The following SLC37A3 variants were observed in gnomAD, a reference collection of about 807,000 sequenced individuals.
The protein encoded by SLC37A3 is solute carrier family 37 member 3, also known as sugar phosphate exchanger 3.
In SLC37A3, 51 loss-of-function variants were observed where a neutral mutation model predicts 67.1. The ratio of observed to expected loss-of-function variants is 0.76; its 90% CI spans 0.61 to 0.96. SLC37A3 has a LOEUF of 0.96. SLC37A3 is among the 40% of genes least tolerant of loss of function. The pLI, the probability that SLC37A3 is intolerant of heterozygous loss-of-function variation, is 0.00. For missense variants in SLC37A3, 508 were observed against 603.0 expected, an observed-to-expected ratio of 0.84 and a Z score of 1.65; for synonymous variants, 214 against 231.4, an observed-to-expected ratio of 0.92 and a Z score of 0.68.
chr7:140,394,609 G>A lies in SLC37A3; in HGVS notation c.-71+3807C>T, dbSNP rs369148761. Among the ~76,000 whole-genome samples the A allele has an allele frequency of 8.4e-5, 12 of 142,372 alleles. No individual in the cohort carries two copies. In the South Asian group the frequency reaches 1.4e-3, roughly 17 times the overall value. 93.4% of individuals were successfully genotyped at this position (142,372 alleles called of 152,430 possible). Reference sequence around the variant, plus strand: ...TGCACTCCAGCCTGGGCGACAGAGCGAGACTCCATCTGAAAAAAAAACAGG... The same window carrying A: ...TGCACTCCAGCCTGGGCGACAGAGCAAGACTCCATCTGAAAAAAAAACAGG... On this transcript the variant is annotated intron_variant, in intron 1 of 14. Transcript: ENST00000326232.
intron 12 of SLC37A3, 95 bp downstream of exon 12, chr7:140,345,121 T>G: frequency 9.1e-7 from 1 of 1,100,332 alleles, no homozygotes. Flanking sequence ...AATTAAGGTT[T>G]CGGTACTACT....
intron 3 of SLC37A3, among the ~76,000 whole-genome samples, chr7:140,372,126 A>G (rs1202916757): frequency 2.0e-5 from 3 of 152,244 alleles, no homozygotes; most frequent in African/African-American, 7.2e-5. Context: ...CTGGGATTAC[A>G]GGTGTGAGCC....
At chr7:140,338,465 T>A (rs544945280) in intron 13 of SLC37A3, among the ~76,000 whole-genome samples, 1 of 152,018 alleles carries the variant, frequency 6.6e-6, no homozygotes, top group Non-Finnish European at 1.5e-5. Context: ...GTAAACTACA[T>A]TGGAACTTCA....
intron 1 of SLC37A3, among the ~76,000 whole-genome samples, chr7:140,391,393 A>G (rs1308391068): frequency 6.6e-6 from 1 of 152,186 alleles, no homozygotes; most frequent in Non-Finnish European, 1.5e-5. Context: ...TGTCTCTACT[A>G]AAAATACAAA....
At position 140,337,254 on chromosome 7, in the gene SLC37A3, T is replaced by A. The variant is rs200789032; in HGVS notation, c.1392+30A>T. 1.8e-5 allele frequency: 5 copies of A among 274,318 alleles called. No homozygotes were observed. In the East Asian group the frequency reaches 3.0e-3, roughly 164 times the overall value. 17.0% of individuals were successfully genotyped at this position (274,318 alleles called of 1,614,324 possible). Reference sequence around the variant, plus strand: ...TGAACTTAATTAACAGAAAAATGACTTTTTTTTTTTTAAAGGGGCACACAC... The same window carrying A: ...TGAACTTAATTAACAGAAAAATGACATTTTTTTTTTTAAAGGGGCACACAC... On this transcript the variant is annotated intron_variant, in intron 14 of 14. Transcript: ENST00000326232.
At chr7:140,383,769 C>G (rs932245750) in intron 1 of SLC37A3, among the ~76,000 whole-genome samples, 1 of 152,094 alleles carries the variant, frequency 6.6e-6, no homozygotes, top group Non-Finnish European at 1.5e-5. Flanking sequence ...CTCCGCTTCC[C>G]AGGCTCAAGC....
At chr7:140,390,687 G>A (rs778868431) in intron 1 of SLC37A3, among the ~76,000 whole-genome samples, 2 of 151,912 alleles carry the variant, frequency 1.3e-5, no homozygotes, top group African/African-American at 4.8e-5. Flanking sequence ...TTTCAGTTCC[G>A]GTTCTCTTCA....
chr7:140,365,998 T>C (rs1797586419), intron 4 of SLC37A3, among the ~76,000 whole-genome samples: 1 of 136,136 alleles, frequency 7.3e-6, no homozygotes, highest in South Asian at 2.4e-4. Context: ...AATGCAATGA[T>C]GTGATCTTGG....
chr7:140,337,202 T>C, intron 14 of SLC37A3, 82 bp downstream of exon 14: 2 of 1,082,070 alleles, frequency 1.8e-6, no homozygotes, highest in Non-Finnish European at 2.6e-6. Context: ...ATCAACAGTT[T>C]TGCTGAAGTG....
chr7:140,345,395 T>C, intron 11 of SLC37A3, 132 bp from the exon 12 acceptor site: 1 of 666,338 alleles, frequency 1.5e-6, no homozygotes, highest in Non-Finnish European at 2.7e-6. Context: ...GAGACACAAC[T>C]CTCTCTGCCT....
At chr7:140,364,111 C>A (rs1380075195) in intron 5 of SLC37A3, among the ~76,000 whole-genome samples, 1 of 152,108 alleles carries the variant, frequency 6.6e-6, no homozygotes, top group Non-Finnish European at 1.5e-5. Context: ...ATCACCCAGG[C>A]GTGGTGAGCT....
chr7:140,349,200 G>A (rs991898962), intron 9 of SLC37A3, among the ~76,000 whole-genome samples: 19 of 152,230 alleles, frequency 1.2e-4, no homozygotes, highest in African/African-American at 4.1e-4. Flanking sequence ...TTTACTGGGA[G>A]CAGCCAAACG....
At chr7:140,373,096 C>T (rs930520341) in intron 3 of SLC37A3, among the ~76,000 whole-genome samples, 26 of 152,100 alleles carry the variant, frequency 1.7e-4, no homozygotes, top group African/African-American at 6.0e-4. Context: ...GGACTACAGG[C>T]ACATGCCACC....
intron 9 of SLC37A3, among the ~76,000 whole-genome samples, chr7:140,349,787 T>C (rs569577052): frequency 3.9e-5 from 6 of 152,244 alleles, no homozygotes; most frequent in African/African-American, 1.4e-4. Context: ...CAATAGCTTG[T>C]GAAGAACAAA....
intron 1 of SLC37A3, among the ~76,000 whole-genome samples, chr7:140,388,387 T>C (rs765615314): frequency 6.6e-5 from 10 of 151,258 alleles, no homozygotes; most frequent in Non-Finnish European, 1.5e-4. Flanking sequence ...GAGCCGAGAT[T>C]GTGCCACTGC....
intron 1 of SLC37A3, among the ~76,000 whole-genome samples, chr7:140,383,584 C>T (rs1424705359): frequency 6.6e-6 from 1 of 152,144 alleles, no homozygotes; most frequent in Non-Finnish European, 1.5e-5. Context: ...CTGTCTGCCC[C>T]CCAGTATCTC....
intron 13 of SLC37A3, among the ~76,000 whole-genome samples, chr7:140,341,671 T>G (rs1287204220): frequency 6.6e-6 from 1 of 152,022 alleles, no homozygotes; most frequent in African/African-American, 2.4e-5. Flanking sequence ...TCCCCAACCA[T>G]GAAGGTCAGT....
At chr7:140,393,735 C>G (rs1798809572) in intron 1 of SLC37A3, among the ~76,000 whole-genome samples, 1 of 152,166 alleles carries the variant, frequency 6.6e-6, no homozygotes, top group African/African-American at 2.4e-5. Flanking sequence ...TTCTTTCCTT[C>G]AGAGCATCTC....
chr7:140,343,964 C>G (rs1156575039), intron 12 of SLC37A3: 6 of 238,528 alleles, frequency 2.5e-5, no homozygotes, highest in Non-Finnish European at 3.3e-5. Flanking sequence ...GAGGAAAAAG[C>G]CACTGCAATG....
Sources: allele counts gnomAD v4.1 joint callset (sites outside exome capture counted in the v4.1 genomes callset), GRCh38; gene constraint gnomAD v4.1.1; transcripts MANE v1.5; gene names NCBI Gene and HGNC (gene_info 2026-07-23, HGNC 2026-07-21).